RNF213: variants seen among roughly 807,000 people sequenced by gnomAD.
The protein encoded by RNF213 is E3 ubiquitin-protein ligase RNF213.
RNF213 carries 341 observed loss-of-function variants against 514.4 expected under a neutral mutation model. The observed-to-expected ratio is 0.66, with a 90% CI of 0.61 to 0.73. The LOEUF (loss-of-function observed/expected upper bound fraction) is 0.73, where lower values mean the gene tolerates loss of function less well. RNF213 is among the 30% of genes least tolerant of loss of function. The pLI is 0.00. For synonymous variants in RNF213, 2,655 were observed against 2,658.2 expected, an observed-to-expected ratio of 1.00 and a Z score of 0.04; for missense variants, 5,767 against 6,615.6, an observed-to-expected ratio of 0.87 and a Z score of 4.45.
chr17:80,359,725 C>CGT (rs2078984029), intron 37 of RNF213, among the ~76,000 whole-genome samples: 1 of 152,170 alleles, frequency 6.6e-6, no homozygotes, highest in Non-Finnish European at 1.5e-5. Context: ...AGCAAAGACT[C>CGT]TAACAAGTTG....
At chr17:80,372,828 C>T (rs2079569659) in intron 48 of RNF213, 94 bp downstream of exon 48, 3 of 1,400,992 alleles carry the variant, frequency 2.1e-6, no homozygotes, top group Non-Finnish European at 3.0e-6. Flanking sequence ...GAATAGACTA[C>T]TACTGGGCTT....
intron 3 of RNF213, among the ~76,000 whole-genome samples, chr17:80,277,646 G>C (rs2145189984): frequency 6.7e-6 from 1 of 148,848 alleles, no homozygotes; most frequent in East Asian, 2.0e-4. Context: ...CCACACATGA[G>C]AGAAGTTCAG....
chr17:80,280,756 GT>G (rs1482415184), intron 3 of RNF213, among the ~76,000 whole-genome samples: 1 of 152,044 alleles, frequency 6.6e-6, no homozygotes, highest in Non-Finnish European at 1.5e-5. Context: ...CCCTAGCCTC[GT>G]TTTGTATTTT....
In RNF213 at chr17:80,369,834, G is replaced by T. The variant is rs200865029; in HGVS notation, c.12392G>T (p.Arg4131Leu). Reference protein sequence around the residue: ...NDVVDKTPVIRSVILKLLLKY... With the variant: ...NDVVDKTPVILSVILKLLLKY... ...GTTGTGGATAAGACTCCTGTCATCC[G>T]CTCAGTGATACTGAAACTGCTTTTG... The change falls in exon 46 of 68, where the codon CGC becomes CTC. Residue 4131 changes from arginine (R) to leucine (L), a missense_variant. By Grantham distance (102) the Arg-to-Leu change is moderately radical. Coordinates refer to ENST00000582970, the MANE Select transcript of RNF213 (RefSeq NM_001256071.3). 5.6e-6 allele frequency: 9 copies of T among 1,612,710 alleles called. No individual in the cohort carries two copies. The highest frequency in any genetic ancestry group is 7.6e-6 in the Non-Finnish European group (9 of 1,178,852).
intron 65 of RNF213, 109 bp from the exon 66 acceptor site, chr17:80,389,719 G>C (rs2080385176): frequency 1.1e-6 from 1 of 925,134 alleles, no homozygotes. Flanking sequence ...GTACAGGGCA[G>C]AACGAAGAGA....
At position 80,377,232 on chromosome 17, in the gene RNF213, G is replaced by T; in HGVS notation, c.13510+269G>T. The T allele has an allele frequency of 4.1e-6, 2 of 491,202 alleles. No individual in the cohort carries two copies. The highest frequency in any genetic ancestry group is 7.4e-6 in the Non-Finnish European group (2 of 268,992). 30.4% of individuals were successfully genotyped at this position (491,202 alleles called of 1,614,324 possible). ...CTGTTCTCTGGAATATGCCATTTTGGGAGAAGGGAGGGACTGGGAACCACA... is the reference window on the plus strand; with the variant it reads ...CTGTTCTCTGGAATATGCCATTTTGTGAGAAGGGAGGGACTGGGAACCACA... On this transcript the variant is annotated intron_variant, in intron 53 of 67. Coordinates refer to ENST00000582970, the MANE Select transcript of RNF213 (RefSeq NM_001256071.3). This position sits in a 1 kb window ranked among gnomAD's most constrained non-coding sequence, Gnocchi z 4.1.
intron 14 of RNF213, among the ~76,000 whole-genome samples, chr17:80,310,157 G>A (rs536339383): frequency 1.1e-4 from 16 of 152,212 alleles, no homozygotes; most frequent in Admixed American, 2.0e-4. Context: ...TGCAGAGATC[G>A]GCAATTCCTT....
chr17:80,346,253 G>A lies in RNF213; in HGVS notation c.7918G>A (p.Asp2640Asn), dbSNP rs773015439. 8.7e-6 allele frequency: 14 copies of A among 1,614,148 alleles called. No individual in the cohort carries two copies. Among genetic ancestry groups the A allele is most frequent in the Non-Finnish European group, 1.2e-5 (14 of 1,180,034 alleles). Residue 2640 changes from aspartate (D) to asparagine (N), a missense_variant, in exon 29 of 68, where the codon GAC (aspartate) becomes AAC (asparagine). Asp to Asn is a conservative substitution (Grantham distance 23, BLOSUM62 1). Around this residue, in one of 13 missense-constraint regions of RNF213, gnomAD observed 1,377 missense variants for 1,635.2 expected, o/e 0.84. Coordinates refer to ENST00000582970, the MANE Select transcript of RNF213 (RefSeq NM_001256071.3). The surrounding 1 kb of genome is among the most constrained non-coding windows in gnomAD (Gnocchi z 8.1). ...TGAGTGCAGCTTTGTCAGCCTCAGGGACGTGGAGCGCTGTGTGAAAGTTTT... is the reference window on the plus strand; with the variant it reads ...TGAGTGCAGCTTTGTCAGCCTCAGGAACGTGGAGCGCTGTGTGAAAGTTTT... Reference protein sequence around the residue: ...EDECSFVSLRDVERCVKVFRW... With the variant: ...EDECSFVSLRNVERCVKVFRW...
intron 42 of RNF213, among the ~76,000 whole-genome samples, chr17:80,367,259 A>C (rs986419459): frequency 6.6e-6 from 1 of 152,242 alleles, no homozygotes; most frequent in Non-Finnish European, 1.5e-5. Flanking sequence ...AAATATAGTT[A>C]TCTCTGGGGA....
chr17:80,306,727 C>G (rs978258946), intron 12 of RNF213, among the ~76,000 whole-genome samples: 2 of 151,924 alleles, frequency 1.3e-5, no homozygotes, highest in African/African-American at 4.8e-5. Flanking sequence ...TGGTGGGTAC[C>G]TGTAGTCCCA....
chr17:80,279,362 T>G (rs2044177953), intron 3 of RNF213, among the ~76,000 whole-genome samples: 1 of 152,190 alleles, frequency 6.6e-6, no homozygotes, highest in African/African-American at 2.4e-5. Flanking sequence ...CACAAGGTCT[T>G]GGATGGCGCT....
chr17:80,369,133 T>TCA (rs1339016276), intron 44 of RNF213, among the ~76,000 whole-genome samples: 1 of 152,174 alleles, frequency 6.6e-6, no homozygotes, highest in Non-Finnish European at 1.5e-5. Context: ...GCATGGTGGC[T>TCA]CACGCCTGTA....
chr17:80,369,670 G>A lies in RNF213; in HGVS notation c.12324G>A (p.Gln4108=), dbSNP rs762969923. Residue 4108 remains glutamine (Q), a splice_region_variant and synonymous_variant, in exon 45 of 68, where the codon CAG becomes CAA. Coordinates refer to ENST00000582970, the MANE Select transcript of RNF213 (RefSeq NM_001256071.3). ...AGGGGCGCTTAAGAGATGCTGCCCA[G>A]AGTAGGTTGCTTTCTTCCTGTAAAC... ...VQKGRLRDAA[Q]RHCEHTKSLS... is the part of the protein sequence containing the mutation. 6.2e-7 allele frequency: 1 copy of A among 1,614,216 alleles called. No individual in the cohort carries two copies. Among genetic ancestry groups the A allele is most frequent in the Non-Finnish European group, 8.5e-7 (1 of 1,180,054 alleles).
chr17:80,338,492 C>G (rs967022218), intron 25 of RNF213, among the ~76,000 whole-genome samples: 1 of 151,976 alleles, frequency 6.6e-6, no homozygotes, highest in Non-Finnish European at 1.5e-5. Context: ...CAAATGGTAT[C>G]CTTTATCTCT....
chr17:80,354,258 C>G, intron 35 of RNF213, 92 bp downstream of exon 35: 3 of 1,518,758 alleles, frequency 2.0e-6, no homozygotes, highest in Non-Finnish European at 2.7e-6. Flanking sequence ...GGGACACCCT[C>G]TCAGGTTTCC....
At position 80,347,990 on chromosome 17, in the gene RNF213, A is replaced by C. The variant is rs745575441; in HGVS notation, c.9655A>C (p.Ile3219Leu). 1 of 1,614,150 alleles carries C rather than the reference A, an allele frequency of 6.2e-7. No individual in the cohort carries two copies. The highest frequency in any genetic ancestry group is 2.2e-5 in the East Asian group (1 of 44,876). The change falls in exon 29 of 68, where the codon ATC becomes CTC. Residue 3219 changes from isoleucine (I) to leucine (L), a missense_variant. Physicochemically the swap from Ile to Leu is conservative, Grantham distance 5. This residue lies in a region of RNF213 where 919 missense variants were observed against 1,121.0 expected (regional missense o/e 0.82). Coordinates refer to ENST00000582970, the MANE Select transcript of RNF213 (RefSeq NM_001256071.3). This position sits in a 1 kb window ranked among gnomAD's most constrained non-coding sequence, Gnocchi z 7.2. ...CAAATACAGCCCCTCTGACGTCTTCATCGGCTACCACTCGGACGCCTGCGC... is the reference window on the plus strand; with the variant it reads ...CAAATACAGCCCCTCTGACGTCTTCCTCGGCTACCACTCGGACGCCTGCGC... ...RHKYSPSDVF[I>L]GYHSDACASV...
intron 32 of RNF213, chr17:80,352,603 T>C (rs961182525): frequency 1.4e-5 from 8 of 569,188 alleles, no homozygotes; most frequent in Non-Finnish European, 2.2e-5. Flanking sequence ...ACCTTGCCAG[T>C]GTCCCCCACC....
At chr17:80,364,341 C>T in intron 41 of RNF213, 92 bp from the exon 42 acceptor site, 1 of 1,582,812 alleles carries the variant, frequency 6.3e-7, no homozygotes, top group East Asian at 2.2e-5. Flanking sequence ...ACCCCGGGTC[C>T]CGCATCTCTT....
intron 36 of RNF213, among the ~76,000 whole-genome samples, chr17:80,357,273 G>A (rs2078865031): frequency 1.3e-5 from 2 of 152,248 alleles, no homozygotes; most frequent in South Asian, 4.1e-4. Context: ...ATTGTTACAT[G>A]TAAATATATA....
Sources: gnomAD v4.1 joint callset for allele counts (sites outside exome capture counted in the v4.1 genomes callset) on GRCh38, gnomAD v4.1.1 for gene constraint, gnomAD v4.1.1 regional missense constraint, Gnocchi (gnomAD v3.1) non-coding constraint, MANE v1.5 for transcripts, NCBI Gene and HGNC (gene_info 2026-07-23, HGNC 2026-07-21) for gene names.